EYA1: variants seen among roughly 807,000 people sequenced by gnomAD.
The protein encoded by EYA1 is protein phosphatase EYA1.
Under a neutral mutation model 82.0 loss-of-function variants are expected in EYA1, and 16 were observed. The observed-to-expected ratio is 0.20, with a 90% CI of 0.13 to 0.30. The LOEUF is 0.30. Among genes scored for constraint, EYA1 ranks in the 10% least tolerant of loss-of-function variants. EYA1 has a pLI of 1.00. For missense variants in EYA1, 633 were observed against 730.7 expected (o/e 0.87, Z 1.54); for synonymous variants, 261 against 264.4 (o/e 0.99, Z 0.12).
chr8:71,373,957 T>G (rs968775383), intron 2 of EYA1, among the ~76,000 whole-genome samples: 1 of 152,034 alleles, frequency 6.6e-6, no homozygotes, highest in African/African-American at 2.4e-5. Flanking sequence ...AAAACTGAAC[T>G]CTTATCTTAG....
chr8:71,314,733 A>G (rs1392075188), intron 7 of EYA1, among the ~76,000 whole-genome samples: 1 of 152,202 alleles, frequency 6.6e-6, no homozygotes, highest in Admixed American at 6.5e-5. Flanking sequence ...GTAAATTATC[A>G]TTATAAAGAT....
intron 4 of EYA1, among the ~76,000 whole-genome samples, chr8:71,324,798 G>C (rs575876094): frequency 6.6e-6 from 1 of 152,188 alleles, no homozygotes; most frequent in Admixed American, 6.5e-5. Context: ...TCATGACTCA[G>C]GTGGCTCCCC....
intron 4 of EYA1, among the ~76,000 whole-genome samples, chr8:71,331,295 C>CAT (rs1301072330): frequency 8.6e-5 from 12 of 139,976 alleles, no homozygotes; most frequent in Non-Finnish European, 1.2e-4. Context: ...CATATATATA[C>CAT]ATATATATAT....
At chr8:71,451,470 T>C (rs1350425524) in intron 2 of EYA1, among the ~76,000 whole-genome samples, 3 of 152,194 alleles carry the variant, frequency 2.0e-5, no homozygotes, top group Non-Finnish European at 4.4e-5. Flanking sequence ...AAATTGTACA[T>C]GTACACACAC....
chr8:71,449,912 T>C (rs7821451), intron 2 of EYA1, among the ~76,000 whole-genome samples: 150,297 of 152,326 alleles, frequency 0.99, 74,178 homozygotes, highest in East Asian at 1. Context: ...GCTTGCTTCA[T>C]CCTACATTTT....
intron 11 of EYA1, among the ~76,000 whole-genome samples, chr8:71,256,816 G>A (rs915349581): frequency 3.3e-5 from 5 of 151,846 alleles, no homozygotes; most frequent in Non-Finnish European, 5.9e-5. Context: ...CCTGACCAAC[G>A]TGGTGAAACC....
At chr8:71,379,122 A>T (rs1171031375) in intron 2 of EYA1, among the ~76,000 whole-genome samples, 3 of 152,210 alleles carry the variant, frequency 2.0e-5, no homozygotes, top group African/African-American at 7.2e-5. Flanking sequence ...TGACAAACTA[A>T]GTGGAGGCTC....
Position 71,402,759 on chromosome 8 carries a change from T to C in EYA1, c.34-46248A>G, listed in dbSNP as rs576953719. ...GGTATGCTTTTGGCATAGGAATATATACAGAAATTAGCAGAATAACAAAGA... is the reference window on the plus strand; with the variant it reads ...GGTATGCTTTTGGCATAGGAATATACACAGAAATTAGCAGAATAACAAAGA... On this transcript the variant is annotated intron_variant, in intron 2 of 18. Coordinates refer to the EYA1 transcript ENST00000643681. Among the ~76,000 whole-genome samples, 44 of 152,258 alleles carry C rather than the reference T, an allele frequency of 2.9e-4. 1 individual carries two copies. The East Asian group carries it at 7.7e-3, about 27-fold the overall frequency.
Position 71,456,178 on chromosome 8 carries a change from T to A in EYA1, c.33+79566A>T, listed in dbSNP as rs543707802. On this transcript the variant is annotated intron_variant, in intron 2 of 18. Transcript: ENST00000643681. ...CACAATTGCTTCAAAGAGAATCAAA[T>A]ACCTAGGAATCCAACTTACAAGGGA... 4.5e-3 allele frequency among the ~76,000 whole-genome samples: 686 copies of A among 152,200 alleles called. 4 individuals are homozygous for A. The highest frequency in any genetic ancestry group is 0.016 in the African/African-American group (655 of 41,526).
chr8:71,371,816 A>G (rs1254520264), intron 2 of EYA1, among the ~76,000 whole-genome samples: 1 of 152,162 alleles, frequency 6.6e-6, no homozygotes, highest in Non-Finnish European at 1.5e-5. Flanking sequence ...GGAACATCTA[A>G]CAACAAAAAG....
intron 2 of EYA1, among the ~76,000 whole-genome samples, chr8:71,440,163 T>C (rs1806308666): frequency 1.3e-5 from 2 of 152,096 alleles, no homozygotes; most frequent in African/African-American, 4.8e-5. Flanking sequence ...GCAACACAAT[T>C]CGGACTGCTC....
chr8:71,229,436 C>T (rs1810939729), intron 12 of EYA1, among the ~76,000 whole-genome samples: 2 of 152,108 alleles, frequency 1.3e-5, no homozygotes, highest in African/African-American at 2.4e-5. Flanking sequence ...GTGTACACTA[C>T]CAGATAAGAA....
At chr8:71,317,438 A>C (rs1822045877) in intron 7 of EYA1, 114 bp downstream of exon 7, 2 of 1,137,504 alleles carry the variant, frequency 1.8e-6, no homozygotes, top group Non-Finnish European at 2.6e-6. Flanking sequence ...CCTGCCTCTA[A>C]GCCCAATCCA....
chr8:71,416,376 C>T (rs924034714), intron 2 of EYA1, among the ~76,000 whole-genome samples: 2 of 152,134 alleles, frequency 1.3e-5, no homozygotes, highest in Non-Finnish European at 2.9e-5. Context: ...TTATTCAATG[C>T]GTTGCAGTTG....
intron 6 of EYA1, among the ~76,000 whole-genome samples, chr8:71,319,133 TA>T (rs1822243230): frequency 7.6e-6 from 1 of 131,820 alleles, no homozygotes; most frequent in Admixed American, 8.3e-5. Flanking sequence ...ATAATTCATG[TA>T]TTTTTTTTTT....
At chr8:71,519,099 CT>C (rs1406665014) in intron 2 of EYA1, among the ~76,000 whole-genome samples, 3 of 152,148 alleles carry the variant, frequency 2.0e-5, no homozygotes, top group Admixed American at 6.6e-5. Context: ...ACTTTTTCCC[CT>C]ATGACAATGA....
intron 2 of EYA1, among the ~76,000 whole-genome samples, chr8:71,417,035 A>C (rs191392110): frequency 6.6e-6 from 1 of 152,320 alleles, no homozygotes; most frequent in African/African-American, 2.4e-5. Context: ...ACAACGTGAA[A>C]AGACTAGACT....
intron 2 of EYA1, among the ~76,000 whole-genome samples, chr8:71,505,271 G>A (rs1812114034): frequency 6.6e-6 from 1 of 152,122 alleles, no homozygotes; most frequent in African/African-American, 2.4e-5. Context: ...CTAGAACCAG[G>A]CCAAGTTCAC....
chr8:71,434,668 A>G (rs1320822232), intron 2 of EYA1, among the ~76,000 whole-genome samples: 3 of 152,212 alleles, frequency 2.0e-5, no homozygotes, highest in African/African-American at 7.2e-5. Context: ...CTACCTAACC[A>G]CACAGGCAAA....
Sources: allele counts gnomAD v4.1 joint callset (sites outside exome capture counted in the v4.1 genomes callset), GRCh38; gene constraint gnomAD v4.1.1; transcripts MANE v1.5; gene names NCBI Gene and HGNC (gene_info 2026-07-23, HGNC 2026-07-21).